SNX29: variants seen among roughly 807,000 people sequenced by gnomAD.
The protein encoded by SNX29 is sorting nexin-29.
In SNX29, 78 loss-of-function variants were observed where a neutral mutation model predicts 102.1. The observed-to-expected ratio is 0.76, with a 90% CI of 0.64 to 0.92. The LOEUF is 0.92. Ranked by LOEUF, SNX29 falls within the 40% of genes least tolerant of loss-of-function variation. SNX29 has a pLI of 0.00. For synonymous variants in SNX29, 580 were observed against 414.5 expected (o/e 1.40, Z -4.85); for missense variants, 1,280 against 1,061.7 (o/e 1.21, Z -2.86).
chr16:12,192,670 T>A (rs2076672947), intron 13 of SNX29, among the ~76,000 whole-genome samples: 1 of 151,394 alleles, frequency 6.6e-6, no homozygotes, highest in Non-Finnish European at 1.5e-5. Context: ...TGTCACCGTG[T>A]CCAGCTAATT....
At chr16:12,324,021 C>T (rs917678975) in intron 15 of SNX29, among the ~76,000 whole-genome samples, 2 of 151,430 alleles carry the variant, frequency 1.3e-5, no homozygotes, top group Non-Finnish European at 2.9e-5. Context: ...GACGTACTCC[C>T]TCAATTTATC....
At chr16:12,360,236 T>C (rs967880041) in intron 16 of SNX29, among the ~76,000 whole-genome samples, 2 of 152,360 alleles carry the variant, frequency 1.3e-5, no homozygotes, top group Non-Finnish European at 2.9e-5. Flanking sequence ...ATCAGGACCC[T>C]GATAAAGTTC....
chr16:12,386,815 A>G (rs1479222139), intron 16 of SNX29, among the ~76,000 whole-genome samples: 1 of 152,194 alleles, frequency 6.6e-6, no homozygotes, highest in Non-Finnish European at 1.5e-5. Flanking sequence ...GAAGAGAGGG[A>G]AGAAGAAATA....
chr16:12,291,206 A>G (rs1454342089), intron 15 of SNX29, among the ~76,000 whole-genome samples: 5 of 152,148 alleles, frequency 3.3e-5, no homozygotes, highest in Non-Finnish European at 5.9e-5. Context: ...CGGTGCTGAT[A>G]AAGACATGCC....
intron 3 of SNX29, among the ~76,000 whole-genome samples, chr16:12,014,026 G>A (rs902157683): frequency 6.6e-6 from 1 of 151,962 alleles, no homozygotes; most frequent in East Asian, 1.9e-4. Flanking sequence ...TGAACTCCTG[G>A]CCTCAAGTGA....
chr16:12,209,183 G>A (rs368349614), intron 14 of SNX29, among the ~76,000 whole-genome samples: 13 of 152,218 alleles, frequency 8.5e-5, no homozygotes, highest in African/African-American at 2.7e-4. Flanking sequence ...TTGCAGGGGG[G>A]TAAAGTATAA....
In SNX29 at chr16:12,572,546, C is replaced by A. The variant is rs200723808; in HGVS notation, c.*3917C>A. ...AAGCCCCCACAGGGGGCTGCGACAC[C>A]ATCTGGCTCCTCACAGGGAGGTCCA... On this transcript the variant is annotated 3_prime_UTR_variant, in exon 21 of 21. Transcript: ENST00000566228. 4 of 1,063,422 alleles carry A rather than the reference C, an allele frequency of 3.8e-6. No individual in the cohort carries two copies. Among genetic ancestry groups the A allele is most frequent in the Non-Finnish European group, 4.6e-6 (4 of 878,136 alleles). The allele number at this position is 1,063,422 out of a possible 1,614,324, so 65.9% of individuals were successfully genotyped here.
chr16:12,459,585 C>T (rs1196268450), intron 18 of SNX29, among the ~76,000 whole-genome samples: 1 of 152,168 alleles, frequency 6.6e-6, no homozygotes, highest in Non-Finnish European at 1.5e-5. Context: ...GCCTCAGAGC[C>T]TGGGTCAGTC....
intron 18 of SNX29, among the ~76,000 whole-genome samples, chr16:12,451,490 T>G (rs191217287): frequency 4.6e-5 from 7 of 152,356 alleles, no homozygotes; most frequent in Non-Finnish European, 1.0e-4. Flanking sequence ...CTGTTCTATT[T>G]ACCAACCAAA....
intron 11 of SNX29, among the ~76,000 whole-genome samples, chr16:12,118,603 A>T (rs567685617): frequency 1.3e-5 from 2 of 152,252 alleles, no homozygotes; most frequent in South Asian, 4.1e-4. Flanking sequence ...GGTGTGAGCC[A>T]CCGTGCCCGC....
chr16:12,385,452 G>A (rs974718871), intron 16 of SNX29, among the ~76,000 whole-genome samples: 8 of 152,170 alleles, frequency 5.3e-5, no homozygotes, highest in African/African-American at 1.7e-4. Context: ...GTCCCGCAGG[G>A]CTCTAGGGCT....
intron 19 of SNX29, among the ~76,000 whole-genome samples, chr16:12,516,774 C>T (rs2089885277): frequency 6.6e-6 from 1 of 152,156 alleles, no homozygotes; most frequent in Admixed American, 6.6e-5. Flanking sequence ...GGTGCGGCTC[C>T]TGGGGAGGGG....
chr16:12,533,286 C>G (rs1290183659), intron 20 of SNX29, among the ~76,000 whole-genome samples: 2 of 152,258 alleles, frequency 1.3e-5, no homozygotes, highest in African/African-American at 2.4e-5. Context: ...TAGCAGCTTC[C>G]TGGAAAGTCA....
rs147980811 is a variant in SNX29, at chr16:12,291,687, T to C, written c.1782+13651T>C. Among the ~76,000 whole-genome samples the C allele has an allele frequency of 2.6e-3, 394 of 152,312 alleles. 7 individuals carry two copies. The highest frequency in any genetic ancestry group is 8.7e-3 in the African/African-American group (362 of 41,564). On this transcript the variant is annotated intron_variant, in intron 15 of 20. Transcript: ENST00000566228. ...TAGAGTTAACTTAGGTTCCATTCTC[T>C]CTTTTCAGCTGATCACAGGATCTGG...
chr16:12,522,583 G>A (rs1567650538), intron 19 of SNX29, among the ~76,000 whole-genome samples: 1 of 152,134 alleles, frequency 6.6e-6, no homozygotes, highest in East Asian at 1.9e-4. Context: ...TCTCATGACA[G>A]TGAGTTCTCA....
At chr16:12,447,425 C>T (rs1435586900) in intron 18 of SNX29, among the ~76,000 whole-genome samples, 1 of 152,034 alleles carries the variant, frequency 6.6e-6, no homozygotes, top group Non-Finnish European at 1.5e-5. Context: ...ATCCTGGATA[C>T]CCCCAAAGAT....
Position 12,481,411 on chromosome 16 carries a change from C to T in SNX29, c.2178+3552C>T, listed in dbSNP as rs568838203. ...ATATATATATACACACACACACACA[C>T]ATATACATACACACATATACACATA... On this transcript the variant is annotated intron_variant, in intron 19 of 20. Coordinates refer to ENST00000566228, the MANE Select transcript of SNX29 (RefSeq NM_032167.5). Among the ~76,000 whole-genome samples, 4 of 149,486 alleles carry T rather than the reference C, an allele frequency of 2.7e-5. No individual in the cohort carries two copies. The East Asian group carries it at 5.9e-4, about 22-fold the overall frequency.
chr16:12,552,061 T>G (rs2078011617), intron 20 of SNX29, among the ~76,000 whole-genome samples: 1 of 150,678 alleles, frequency 6.6e-6, no homozygotes, highest in Non-Finnish European at 1.5e-5. Flanking sequence ...TTTGGGGCAC[T>G]GAATCTCTGT....
At chr16:12,104,370 A>G (rs1221773194) in intron 11 of SNX29, among the ~76,000 whole-genome samples, 1 of 152,140 alleles carries the variant, frequency 6.6e-6, no homozygotes, top group Non-Finnish European at 1.5e-5. Context: ...AGCCTGGCCA[A>G]CTTGGTGAAA....
Sources: gnomAD v4.1 joint callset for allele counts (sites outside exome capture counted in the v4.1 genomes callset) on GRCh38, gnomAD v4.1.1 for gene constraint, MANE v1.5 for transcripts, NCBI Gene and HGNC (gene_info 2026-07-23, HGNC 2026-07-21) for gene names.